The following KCNH8 variants were observed in gnomAD, a reference collection of about 807,000 sequenced individuals.
The protein encoded by KCNH8 is voltage-gated delayed rectifier potassium channel KCNH8.
In KCNH8, 70 loss-of-function variants were observed where a neutral mutation model predicts 103.6. That is an observed-to-expected ratio of 0.68 (90% confidence interval 0.56 to 0.82). The LOEUF (loss-of-function observed/expected upper bound fraction) is 0.82. Ranked by LOEUF, KCNH8 falls within the 40% of genes least tolerant of loss-of-function variation. The pLI, the probability that KCNH8 is intolerant of heterozygous loss-of-function variation, is 0.00. For synonymous variants in KCNH8, 498 were observed against 489.4 expected (o/e 1.02, Z -0.23); for missense variants, 1,217 against 1,329.9 (o/e 0.92, Z 1.32).
chr3:19,379,597 G>A (rs2066261761), intron 5 of KCNH8, among the ~76,000 whole-genome samples: 2 of 151,676 alleles, frequency 1.3e-5, no homozygotes, highest in African/African-American at 4.8e-5. Flanking sequence ...CTGAGATTGT[G>A]CCACTGCACT....
intron 8 of KCNH8, chr3:19,448,924 T>G (rs1364829273): frequency 8.0e-7 from 1 of 1,257,582 alleles, no homozygotes; most frequent in Non-Finnish European, 1.0e-6. Flanking sequence ...CATCTTTCTC[T>G]CAGTTTCACA....
At chr3:19,213,348 C>T (rs1005724915) in intron 1 of KCNH8, among the ~76,000 whole-genome samples, 1 of 152,120 alleles carries the variant, frequency 6.6e-6, no homozygotes, top group African/African-American at 2.4e-5. Flanking sequence ...CAGTCTCAAG[C>T]CTTTAAATAC....
At chr3:19,298,921 CAAAAA>C (rs56304109) in intron 3 of KCNH8, among the ~76,000 whole-genome samples, 38 of 77,050 alleles carry the variant, frequency 4.9e-4, no homozygotes, top group Admixed American at 2.7e-3. Context: ...GACTCCGTCT[CAAAAA>C]AAAAAAAAAA....
chr3:19,439,498 C>T (rs1195261487), intron 8 of KCNH8, among the ~76,000 whole-genome samples: 2 of 152,130 alleles, frequency 1.3e-5, no homozygotes, highest in African/African-American at 4.8e-5. Context: ...AACAAAAATA[C>T]ACTTCCTAAG....
chr3:19,499,395 A>G (rs1249166635), intron 11 of KCNH8, among the ~76,000 whole-genome samples: 1 of 152,194 alleles, frequency 6.6e-6, no homozygotes, highest in African/African-American at 2.4e-5. Context: ...AACTTCCCCA[A>G]TCTAGCAAGG....
intron 5 of KCNH8, among the ~76,000 whole-genome samples, chr3:19,381,164 G>A (rs1277593791): frequency 6.6e-6 from 1 of 152,148 alleles, no homozygotes; most frequent in African/African-American, 2.4e-5. Flanking sequence ...TGACTGTGCT[G>A]GAAATGTGGG....
At chr3:19,472,074 A>G (rs17006007) in intron 11 of KCNH8, among the ~76,000 whole-genome samples, 9 of 152,164 alleles carry the variant, frequency 5.9e-5, no homozygotes, top group African/African-American at 1.7e-4. Context: ...AGTTGTGCAC[A>G]TATGATTTCC....
chr3:19,331,615 C>T (rs940583248), intron 3 of KCNH8, among the ~76,000 whole-genome samples: 1 of 152,058 alleles, frequency 6.6e-6, no homozygotes, highest in Non-Finnish European at 1.5e-5. Context: ...TTTATGGGTA[C>T]ATCATAGATG....
At chr3:19,194,644 A>G (rs1575427490) in intron 1 of KCNH8, among the ~76,000 whole-genome samples, 1 of 151,732 alleles carries the variant, frequency 6.6e-6, no homozygotes, top group African/African-American at 2.4e-5. Flanking sequence ...AAAGATAAGG[A>G]GGGGGTAGGG....
At chr3:19,449,892 T>TGATCAA (rs534240008) in intron 8 of KCNH8, among the ~76,000 whole-genome samples, 53 of 152,240 alleles carry the variant, frequency 3.5e-4, no homozygotes, top group African/African-American at 1.3e-3. Flanking sequence ...ATTTTTACTC[T>TGATCAA]GATCAAGCCA....
At chr3:19,442,391 A>AAATCCAT (rs1289892861) in intron 8 of KCNH8, among the ~76,000 whole-genome samples, 1 of 152,204 alleles carries the variant, frequency 6.6e-6, no homozygotes, top group Non-Finnish European at 1.5e-5. Context: ...ACATTTCAAA[A>AAATCCAT]AATCCATAAG....
At chr3:19,316,227 G>A (rs955066165) in intron 3 of KCNH8, among the ~76,000 whole-genome samples, 26 of 151,874 alleles carry the variant, frequency 1.7e-4, no homozygotes, top group African/African-American at 5.8e-4. Flanking sequence ...TTTGTTGTGG[G>A]GGACTGTCTT....
Position 19,467,739 on chromosome 3 carries a change from A to G in KCNH8, c.2040+10757A>G, listed in dbSNP as rs118025927. On this transcript the variant is annotated intron_variant, in intron 11 of 15. Transcript: ENST00000328405. ...GCTACAGGAGTAATCTTTGTAAAAT[A>G]TAAATCAAACTGTCTCATTTTGCTG... 2.6e-4 allele frequency among the ~76,000 whole-genome samples: 40 copies of G among 152,336 alleles called. No individual in the cohort carries two copies. The East Asian group carries it at 7.5e-3, about 29-fold the overall frequency.
intron 3 of KCNH8, among the ~76,000 whole-genome samples, chr3:19,287,284 G>C (rs1360366356): frequency 6.6e-6 from 1 of 152,032 alleles, no homozygotes; most frequent in Non-Finnish European, 1.5e-5. Flanking sequence ...AGAGAAAAAC[G>C]GAACCAGACA....
At chr3:19,375,031 C>G (rs982797939) in intron 5 of KCNH8, among the ~76,000 whole-genome samples, 2 of 151,576 alleles carry the variant, frequency 1.3e-5, no homozygotes, top group Non-Finnish European at 2.9e-5. Flanking sequence ...CTCTGGCTGC[C>G]CTTAACATTT....
intron 5 of KCNH8, among the ~76,000 whole-genome samples, chr3:19,371,711 C>T (rs2066098999): frequency 6.8e-6 from 1 of 147,806 alleles, no homozygotes; most frequent in South Asian, 2.2e-4. Flanking sequence ...ATGGTAATGC[C>T]TAGGTTTTCT....
intron 9 of KCNH8, chr3:19,450,853 T>C (rs1261702795): frequency 1.2e-5 from 4 of 342,422 alleles, no homozygotes; most frequent in Non-Finnish European, 2.2e-5. Flanking sequence ...ATTCCATATC[T>C]TCTGTCCTGA....
chr3:19,489,344 C>T (rs2068272869), intron 11 of KCNH8, among the ~76,000 whole-genome samples: 1 of 152,130 alleles, frequency 6.6e-6, no homozygotes, highest in Non-Finnish European at 1.5e-5. Context: ...CCTTCCTTAA[C>T]TAACTGTCCC....
In KCNH8 at chr3:19,396,930, C is replaced by G. The variant is rs943981825; in HGVS notation, c.1177+1619C>G. ...GACCTGACCTAATTTTCCTCAGGCC[C>G]CAGACCTATACACTCATATTAATTT... On this transcript the variant is annotated intron_variant, in intron 7 of 15. Transcript: ENST00000328405. Among the ~76,000 whole-genome samples the G allele has an allele frequency of 3.3e-5, 5 of 152,016 alleles. No homozygotes were observed. The East Asian group carries it at 9.7e-4, about 30-fold the overall frequency.
Sources: gnomAD v4.1 joint callset for allele counts (sites outside exome capture counted in the v4.1 genomes callset) on GRCh38, gnomAD v4.1.1 for gene constraint, MANE v1.5 for transcripts, NCBI Gene and HGNC (gene_info 2026-07-23, HGNC 2026-07-21) for gene names.